Variants in EFNA5 observed in about 807,000 individuals in gnomAD.
EFNA5 encodes ephrin-A5.
A neutral mutation model predicts 22.9 loss-of-function variants in EFNA5; 5 were observed. The observed-to-expected ratio is 0.22, with a 90% confidence interval of 0.11 to 0.46. The LOEUF (loss-of-function observed/expected upper bound fraction) is 0.46. EFNA5 is among the 20% of genes least tolerant of loss of function. The pLI is 0.99. For synonymous variants in EFNA5, 113 were observed against 112.2 expected, an observed-to-expected ratio of 1.01 and a Z score of -0.04; for missense variants, 237 against 293.3, an observed-to-expected ratio of 0.81 and a Z score of 1.40.
chr5:107,596,069 A>G (rs891543910), intron 1 of EFNA5, among the ~76,000 whole-genome samples: 2 of 152,234 alleles, frequency 1.3e-5, no homozygotes, highest in African/African-American at 4.8e-5. Context: ...AATGGGAAGC[A>G]GTACAGCTAA....
rs58031827 is a variant in EFNA5, at chr5:107,606,538, AACACACACACACACAC to A, written c.125+63935_125+63950del. ...ATCATAGACACACACTTGCACGTACAACACACACACACACACACACACACACACACACACACACACA... is the reference window on the plus strand; with the variant it reads ...ATCATAGACACACACTTGCACGTACAACACACACACACACACACACACACA... On this transcript the variant is annotated intron_variant, in intron 1 of 4. Transcript: ENST00000333274. 7.0e-3 allele frequency among the ~76,000 whole-genome samples: 1,014 copies of A among 144,188 alleles called. 18 individuals carry two copies. The highest frequency in any genetic ancestry group is 7.7e-3 in the Non-Finnish European group (511 of 66,144). The allele number at this position is 144,188 out of a possible 152,430, so 94.6% of individuals were successfully genotyped here.
chr5:107,403,511 T>C (rs1183680986), intron 2 of EFNA5, among the ~76,000 whole-genome samples: 1 of 152,220 alleles, frequency 6.6e-6, no homozygotes, highest in African/African-American at 2.4e-5. Flanking sequence ...CAGGCAAACA[T>C]AACACTAGTT....
At chr5:107,607,686 C>A (rs1193006636) in intron 1 of EFNA5, among the ~76,000 whole-genome samples, 1 of 152,152 alleles carries the variant, frequency 6.6e-6, no homozygotes, top group Non-Finnish European at 1.5e-5. Context: ...CACCTCTCAA[C>A]ACAGTTTCTT....
chr5:107,548,720 T>A (rs1454122465), intron 1 of EFNA5, among the ~76,000 whole-genome samples: 2 of 152,178 alleles, frequency 1.3e-5, no homozygotes, highest in African/African-American at 4.8e-5. Context: ...TAAAGCCAGA[T>A]GTGCAAAATG....
intron 1 of EFNA5, among the ~76,000 whole-genome samples, chr5:107,627,156 G>C (rs1171743230): frequency 6.6e-6 from 1 of 151,960 alleles, no homozygotes; most frequent in Non-Finnish European, 1.5e-5. Context: ...GTTAACTTTG[G>C]TGAAATTAAT....
intron 2 of EFNA5, among the ~76,000 whole-genome samples, chr5:107,398,579 G>A (rs1367208799): frequency 1.3e-5 from 2 of 152,026 alleles, no homozygotes; most frequent in Admixed American, 1.3e-4. Context: ...AGGCACAGTG[G>A]CTCACATCTG....
At chr5:107,638,718 T>C (rs1401049726) in intron 1 of EFNA5, among the ~76,000 whole-genome samples, 2 of 152,160 alleles carry the variant, frequency 1.3e-5, no homozygotes, top group African/African-American at 2.4e-5. Flanking sequence ...TCTGAGGACT[T>C]TGGTATCCAT....
intron 1 of EFNA5, among the ~76,000 whole-genome samples, chr5:107,627,835 G>A (rs1750174279): frequency 6.6e-6 from 1 of 152,020 alleles, no homozygotes. Flanking sequence ...TACTAGAAGA[G>A]ACTAAGTCCT....
rs1748626988 is a variant in EFNA5 at position 107,564,687 on chromosome 5, G to GTC, written c.125+105800_125+105801dup. On this transcript the variant is annotated intron_variant, in intron 1 of 4. Coordinates refer to ENST00000333274, the MANE Select transcript of EFNA5 (RefSeq NM_001962.3). ...GCCCCATCTGTAATGACCTGGGCAG[G>GTC]TCCCTGCAGGGCTTCTTACCTGATC... Among the ~76,000 whole-genome samples the GTC allele has an allele frequency of 2.7e-5, 4 of 148,154 alleles. No homozygotes were observed. In the East Asian group the frequency reaches 7.9e-4, roughly 29 times the overall value.
chr5:107,405,846 T>A (rs111827951), intron 2 of EFNA5, among the ~76,000 whole-genome samples: 2 of 150,800 alleles, frequency 1.3e-5, no homozygotes, highest in Admixed American at 1.3e-4. Context: ...TTCTATGTAT[T>A]TATATACATA....
chr5:107,483,615 A>C (rs1394436972), intron 1 of EFNA5, among the ~76,000 whole-genome samples: 2 of 152,230 alleles, frequency 1.3e-5, no homozygotes, highest in Non-Finnish European at 1.5e-5. Flanking sequence ...ATATGTGTAC[A>C]AATTAGTTGG....
intron 1 of EFNA5, among the ~76,000 whole-genome samples, chr5:107,463,239 A>C (rs1749882302): frequency 6.6e-6 from 1 of 152,196 alleles, no homozygotes. Flanking sequence ...TAAATAAAAA[A>C]GCAGATTACA....
intron 1 of EFNA5, among the ~76,000 whole-genome samples, chr5:107,634,043 AC>A (rs1750317403): frequency 6.6e-6 from 1 of 152,190 alleles, no homozygotes; most frequent in Admixed American, 6.5e-5. Flanking sequence ...CAAAATTCAG[AC>A]TTGATGATCT....
chr5:107,667,772 T>C (rs2112565313), intron 1 of EFNA5, among the ~76,000 whole-genome samples: 1 of 152,288 alleles, frequency 6.6e-6, no homozygotes, highest in East Asian at 1.9e-4. Context: ...TTTTAACAGA[T>C]AGGTTCTATA....
At chr5:107,448,944 G>A (rs1420328200) in intron 1 of EFNA5, among the ~76,000 whole-genome samples, 1 of 151,876 alleles carries the variant, frequency 6.6e-6, no homozygotes, top group Non-Finnish European at 1.5e-5. Context: ...CACCATGAAG[G>A]GCAATGTGGG....
chr5:107,382,166 G>C (rs1350943305), intron 4 of EFNA5, among the ~76,000 whole-genome samples: 1 of 152,110 alleles, frequency 6.6e-6, no homozygotes, highest in African/African-American at 2.4e-5. Flanking sequence ...TAGCTATAAA[G>C]TGTTCTATGA....
chr5:107,393,508 T>A (rs1298090878), intron 2 of EFNA5, among the ~76,000 whole-genome samples: 4 of 152,258 alleles, frequency 2.6e-5, no homozygotes, highest in African/African-American at 9.6e-5. Flanking sequence ...GTGTCCCATG[T>A]CAATCTGGGT....
chr5:107,443,992 C>T (rs1464672422), intron 1 of EFNA5, among the ~76,000 whole-genome samples: 1 of 152,132 alleles, frequency 6.6e-6, no homozygotes, highest in East Asian at 1.9e-4. Context: ...TGGAACAATC[C>T]TTATTCTTCT....
At chr5:107,545,914 C>A (rs1160059797) in intron 1 of EFNA5, among the ~76,000 whole-genome samples, 2 of 152,078 alleles carry the variant, frequency 1.3e-5, no homozygotes, top group Non-Finnish European at 2.9e-5. Flanking sequence ...AAAATTTTGT[C>A]TGTAGCAGTT....
Sources: allele counts gnomAD v4.1 joint callset (sites outside exome capture counted in the v4.1 genomes callset), GRCh38; gene constraint gnomAD v4.1.1; transcripts MANE v1.5; gene names NCBI Gene and HGNC (gene_info 2026-07-23, HGNC 2026-07-21).